ARHGAP18: variants seen among roughly 807,000 people sequenced by gnomAD.
The protein encoded by ARHGAP18 is rho GTPase-activating protein 18.
In ARHGAP18, 67 loss-of-function variants were observed where a neutral mutation model predicts 86.2. The observed-to-expected ratio is 0.78, with a 90% CI of 0.64 to 0.95. The LOEUF is 0.95. Among genes scored for constraint, ARHGAP18 ranks in the 40% least tolerant of loss-of-function variants. The pLI is 0.00. For missense variants in ARHGAP18, 691 were observed against 780.4 expected, an observed-to-expected ratio of 0.89 and a Z score of 1.37; for synonymous variants, 283 against 280.4, an observed-to-expected ratio of 1.01 and a Z score of -0.09.
chr6:129,625,175 A>G (rs1026263285), intron 5 of ARHGAP18, among the ~76,000 whole-genome samples: 1 of 71,094 alleles, frequency 1.4e-5, no homozygotes, highest in Non-Finnish European at 2.6e-5. Context: ...TATATATGAT[A>G]TATTATATAT....
At chr6:129,660,233 G>C (rs902222371) in intron 1 of ARHGAP18, among the ~76,000 whole-genome samples, 2 of 152,224 alleles carry the variant, frequency 1.3e-5, no homozygotes. Context: ...AGATAATTCT[G>C]AGAAGGCACA....
chr6:129,629,542 G>A lies in ARHGAP18; in HGVS notation c.617-20C>T. On this transcript the variant is annotated intron_variant, in intron 4 of 14. Coordinates refer to ENST00000368149, the MANE Select transcript of ARHGAP18 (RefSeq NM_033515.3). ...CCTCGTCTAGGGGCCCGGGGGGAAA[G>A]AACCCAATTCATATGCTTTATTTAT... The A allele has an allele frequency of 1.3e-6, 2 of 1,593,038 alleles. No individual in the cohort carries two copies. The highest frequency in any genetic ancestry group is 1.9e-5 in the Admixed American group (1 of 53,898).
intron 5 of ARHGAP18, among the ~76,000 whole-genome samples, chr6:129,622,604 GTT>G (rs1789252600): frequency 6.6e-6 from 1 of 152,048 alleles, no homozygotes; most frequent in African/African-American, 2.4e-5. Flanking sequence ...GTTTCCTGTC[GTT>G]TTTTGTTTAG....
chr6:129,622,556 A>G (rs1008060877), intron 5 of ARHGAP18, among the ~76,000 whole-genome samples: 1 of 152,170 alleles, frequency 6.6e-6, no homozygotes, highest in Non-Finnish European at 1.5e-5. Context: ...CTTTATCCCA[A>G]TGTTTAATTC....
intron 1 of ARHGAP18, among the ~76,000 whole-genome samples, chr6:129,708,857 G>A (rs1450426402): frequency 6.6e-6 from 1 of 152,120 alleles, no homozygotes; most frequent in Non-Finnish European, 1.5e-5. Flanking sequence ...TTAAAATGAT[G>A]GAAAATGAAA....
chr6:129,624,775 T>A (rs1359214388), intron 5 of ARHGAP18, among the ~76,000 whole-genome samples: 29 of 150,336 alleles, frequency 1.9e-4, no homozygotes. Flanking sequence ...TGAAACCCCA[T>A]CTCTACCAAA....
chr6:129,687,655 ACCTGTGTTGACCATCTC>A (rs1222556464), intron 1 of ARHGAP18, among the ~76,000 whole-genome samples: 1 of 152,128 alleles, frequency 6.6e-6, no homozygotes. Flanking sequence ...CCACACCTTA[ACCTGTGTTGACCATCTC>A]CCTCTCTCAT....
intron 1 of ARHGAP18, among the ~76,000 whole-genome samples, chr6:129,684,697 G>A (rs1258529279): frequency 6.6e-6 from 1 of 152,280 alleles, no homozygotes; most frequent in African/African-American, 2.4e-5. Context: ...GGGAATCATC[G>A]TAGTTGGCCA....
intron 4 of ARHGAP18, among the ~76,000 whole-genome samples, chr6:129,631,334 G>A (rs4291117): frequency 0.066 from 9,964 of 151,806 alleles, 380 homozygotes; most frequent in South Asian, 0.087. Context: ...ATGTAAAGCT[G>A]AGTAATTATA....
chr6:129,582,836 C>G (rs1438168497), intron 13 of ARHGAP18, among the ~76,000 whole-genome samples: 1 of 152,160 alleles, frequency 6.6e-6, no homozygotes, highest in East Asian at 1.9e-4. Context: ...ATCAGTGAAG[C>G]AGACGTAATA....
intron 13 of ARHGAP18, among the ~76,000 whole-genome samples, chr6:129,582,589 G>C (rs1165161708): frequency 6.6e-6 from 1 of 152,152 alleles, no homozygotes; most frequent in Non-Finnish European, 1.5e-5. Context: ...GAAACTGCAA[G>C]ACACTATAGG....
At chr6:129,638,735 C>A in intron 2 of ARHGAP18, 106 bp from the exon 3 acceptor site, 5 of 988,452 alleles carry the variant, frequency 5.1e-6, no homozygotes, top group Non-Finnish European at 7.5e-6. Flanking sequence ...GTAACCAAAC[C>A]ACAGTGCTAA....
chr6:129,646,471 T>C (rs1042566843), intron 1 of ARHGAP18, among the ~76,000 whole-genome samples: 3 of 152,190 alleles, frequency 2.0e-5, no homozygotes, highest in African/African-American at 7.2e-5. Flanking sequence ...CTTTACACAC[T>C]TAAGATTGTT....
chr6:129,591,352 G>A (rs1234824292), intron 12 of ARHGAP18, among the ~76,000 whole-genome samples: 3 of 152,066 alleles, frequency 2.0e-5, no homozygotes, highest in Admixed American at 6.6e-5. Context: ...ATTGAGATAG[G>A]GGAGGAGCGT....
chr6:129,609,629 G>A (rs77196540), intron 8 of ARHGAP18, among the ~76,000 whole-genome samples: 2,044 of 151,250 alleles, frequency 0.014, 22 homozygotes, highest in Middle Eastern at 0.037. Context: ...AAAAGAACTC[G>A]TCTCAGAATC....
At chr6:129,658,132 C>T (rs542338612) in intron 1 of ARHGAP18, among the ~76,000 whole-genome samples, 1 of 152,314 alleles carries the variant, frequency 6.6e-6, no homozygotes, top group South Asian at 2.1e-4. Context: ...CTGATACATC[C>T]TACAAGAAAC....
At chr6:129,604,108 C>A (rs1383429130) in intron 10 of ARHGAP18, among the ~76,000 whole-genome samples, 2 of 152,144 alleles carry the variant, frequency 1.3e-5, no homozygotes, top group Non-Finnish European at 2.9e-5. Flanking sequence ...TAGTTTGAAA[C>A]CTTCAGCAGA....
intron 1 of ARHGAP18, among the ~76,000 whole-genome samples, chr6:129,650,076 CTAATT>C (rs1186366268): frequency 1.6e-5 from 2 of 123,124 alleles, no homozygotes; most frequent in Admixed American, 8.1e-5. Flanking sequence ...CCACACCTGG[CTAATT>C]TTTTTTTTTT....
chr6:129,591,796 G>A (rs1490627347), intron 12 of ARHGAP18, among the ~76,000 whole-genome samples: 1 of 152,106 alleles, frequency 6.6e-6, no homozygotes, highest in East Asian at 1.9e-4. Flanking sequence ...TGGAAATACA[G>A]CTTTTTCAAA....
Sources: allele counts gnomAD v4.1 joint callset (sites outside exome capture counted in the v4.1 genomes callset), GRCh38; gene constraint gnomAD v4.1.1; transcripts MANE v1.5; gene names NCBI Gene and HGNC (gene_info 2026-07-23, HGNC 2026-07-21).